Variants in COL14A1 observed in about 807,000 individuals in gnomAD.
The protein encoded by COL14A1 is collagen type XIV alpha 1 chain.
A neutral mutation model predicts 230.3 loss-of-function variants in COL14A1; 136 were observed. That is an observed-to-expected ratio of 0.59 (90% CI 0.51 to 0.68). COL14A1 has a LOEUF of 0.68. Among genes scored for constraint, COL14A1 ranks in the 30% least tolerant of loss-of-function variants. COL14A1 has a pLI of 0.00. For missense variants in COL14A1, 1,976 were observed against 2,215.8 expected, an observed-to-expected ratio of 0.89 and a Z score of 2.17; for synonymous variants, 792 against 784.1, an observed-to-expected ratio of 1.01 and a Z score of -0.17.
At chr8:120,152,056 G>A (rs1475095680) in intron 2 of COL14A1, among the ~76,000 whole-genome samples, 1 of 152,086 alleles carries the variant, frequency 6.6e-6, no homozygotes, top group Non-Finnish European at 1.5e-5. Flanking sequence ...TTTTAGCCCG[G>A]TGAGATTGAT....
chr8:120,224,488 A>G lies in COL14A1; in HGVS notation c.1738-600A>G, dbSNP rs111558242. On this transcript the variant is annotated intron_variant, in intron 14 of 47. Coordinates refer to ENST00000297848, the MANE Select transcript of COL14A1 (RefSeq NM_021110.4). ...ACTTTATGGTTTCTTTTTTCAATGT[A>G]TGTTTTTTGTTGTCAAGTTCTCTTT... Among the ~76,000 whole-genome samples the G allele has an allele frequency of 1.5e-3, 229 of 152,080 alleles. 5 individuals carry two copies. The highest frequency in any genetic ancestry group is 5.4e-3 in the African/African-American group (223 of 41,478).
chr8:120,315,515 A>G lies in COL14A1; in HGVS notation c.4552-18A>G, dbSNP rs767621957. ...TTTACCTATGTGAACTTAACTCTGT[A>G]TACTTTTGGATATTCAGGGAATGCC... On this transcript the variant is annotated intron_variant, in intron 38 of 47. Coordinates refer to ENST00000297848, the MANE Select transcript of COL14A1 (RefSeq NM_021110.4). 1.2e-5 allele frequency: 20 copies of G among 1,606,834 alleles called. No individual in the cohort carries two copies. The Admixed American group carries it at 3.3e-4, about 27-fold the overall frequency.
chr8:120,218,030 AAAT>A (rs1446371812), intron 14 of COL14A1, among the ~76,000 whole-genome samples: 1 of 142,536 alleles, frequency 7.0e-6, no homozygotes, highest in Non-Finnish European at 1.5e-5. Context: ...TTATAAATAT[AAAT>A]AAATATATAT....
chr8:120,328,416 A>C (rs1028463103), intron 40 of COL14A1, among the ~76,000 whole-genome samples: 29 of 148,572 alleles, frequency 2.0e-4, no homozygotes, highest in Admixed American at 6.7e-5. Context: ...TTTTTGGTAG[A>C]GATAGGGGTG....
intron 12 of COL14A1, among the ~76,000 whole-genome samples, chr8:120,212,069 A>G (rs1224042062): frequency 6.6e-6 from 1 of 152,234 alleles, no homozygotes; most frequent in Non-Finnish European, 1.5e-5. Flanking sequence ...AAAGATGCCC[A>G]CTTGGCCTTG....
chr8:120,236,350 A>C (rs1818444348), intron 19 of COL14A1, among the ~76,000 whole-genome samples: 1 of 151,904 alleles, frequency 6.6e-6, no homozygotes, highest in Admixed American at 6.6e-5. Context: ...TGTTGCATTG[A>C]TCCCTTTACC....
chr8:120,325,289 A>T (rs1821619635), intron 40 of COL14A1, among the ~76,000 whole-genome samples: 1 of 152,188 alleles, frequency 6.6e-6, no homozygotes, highest in Non-Finnish European at 1.5e-5. Context: ...TAATATTTTG[A>T]GGTAGGAATA....
intron 34 of COL14A1, among the ~76,000 whole-genome samples, chr8:120,290,850 CT>C (rs1402791230): frequency 6.6e-6 from 1 of 152,130 alleles, no homozygotes; most frequent in African/African-American, 2.4e-5. Flanking sequence ...AATGTGTCCC[CT>C]TATGTATAGG....
intron 32 of COL14A1, 80 bp from the exon 33 acceptor site, chr8:120,285,781 T>G: frequency 2.2e-6 from 2 of 892,866 alleles, no homozygotes; most frequent in African/African-American, 1.7e-5. Context: ...GATGCATTGT[T>G]TTGTTTTGAG....
intron 33 of COL14A1, among the ~76,000 whole-genome samples, chr8:120,287,233 T>A (rs909398912): frequency 6.6e-6 from 1 of 151,856 alleles, no homozygotes. Flanking sequence ...AAAAAACAAC[T>A]TGCTTTTTTT....
chr8:120,285,324 C>T (rs911675101), intron 32 of COL14A1, among the ~76,000 whole-genome samples: 5 of 151,718 alleles, frequency 3.3e-5, no homozygotes, highest in South Asian at 4.2e-4. Context: ...ATTAGCTGGG[C>T]GTGGTGGCGG....
chr8:120,177,694 C>CTATATATATATA (rs3030325), intron 5 of COL14A1, among the ~76,000 whole-genome samples: 74 of 129,396 alleles, frequency 5.7e-4, no homozygotes, highest in Non-Finnish European at 9.3e-4. Context: ...TATAAAAAGA[C>CTATATATATATA]TATATATATA....
intron 40 of COL14A1, among the ~76,000 whole-genome samples, chr8:120,326,780 C>T (rs1192885445): frequency 2.0e-5 from 3 of 152,158 alleles, no homozygotes; most frequent in Admixed American, 1.3e-4. Flanking sequence ...AATCCCAGCA[C>T]TTTGGGAGGC....
chr8:120,125,042 C>T (rs2130351177), upstream of COL14A1: 1 of 152,556 alleles, frequency 6.6e-6, no homozygotes, highest in African/African-American at 2.4e-5. Flanking sequence ...CCCACCTCCC[C>T]ACCTCCCGCC....
intron 40 of COL14A1, among the ~76,000 whole-genome samples, chr8:120,327,448 C>G (rs980986399): frequency 2.0e-5 from 3 of 152,198 alleles, no homozygotes; most frequent in Non-Finnish European, 4.4e-5. Flanking sequence ...CTGTCCCTAC[C>G]CTGCTTCCTT....
rs2305596 is a variant in COL14A1 at position 120,196,680 on chromosome 8, G to A, written c.437-111G>A. 13,399 of 1,057,712 alleles carry A rather than the reference G, an allele frequency of 0.013. 182 individuals are homozygous for A. Among genetic ancestry groups the A allele is most frequent in the South Asian group, 0.035 (1,849 of 53,068 alleles). The allele number at this position is 1,057,712 out of a possible 1,614,324, so 65.5% of individuals were successfully genotyped here. ...GTTGTAAAAAGATGGCTGCTCCTAC[G>A]GGAACTCTTTTGTATTCTTAGCACT... On this transcript the variant is annotated intron_variant, in intron 5 of 47. Coordinates refer to ENST00000297848, the MANE Select transcript of COL14A1 (RefSeq NM_021110.4).
Position 120,153,066 on chromosome 8 carries a change from A to T in COL14A1, c.89-5064A>T, listed in dbSNP as rs951142290. On this transcript the variant is annotated intron_variant, in intron 2 of 47. Coordinates refer to ENST00000297848, the MANE Select transcript of COL14A1 (RefSeq NM_021110.4). ...AACATATGAGGTTCTAAACCACATTAAAAAAAAATCCCTGTAGCATATCCT... is the reference window on the plus strand; with the variant it reads ...AACATATGAGGTTCTAAACCACATTTAAAAAAAATCCCTGTAGCATATCCT... Among the ~76,000 whole-genome samples, 3 of 128,016 alleles carry T rather than the reference A, an allele frequency of 2.3e-5. No homozygotes were observed. The East Asian group carries it at 8.5e-4, about 36-fold the overall frequency. 84.0% of individuals were successfully genotyped at this position (128,016 alleles called of 152,430 possible).
At chr8:120,278,623 T>C in intron 28 of COL14A1, 45 bp downstream of exon 28, 3 of 1,562,492 alleles carry the variant, frequency 1.9e-6, no homozygotes, top group Non-Finnish European at 2.6e-6. Context: ...GATGTTAGAA[T>C]TGTTATTTTC....
intron 1 of COL14A1, among the ~76,000 whole-genome samples, chr8:120,134,020 A>G (rs1586705203): frequency 6.6e-6 from 1 of 152,082 alleles, no homozygotes; most frequent in Non-Finnish European, 1.5e-5. Context: ...TAAAACATAT[A>G]TGTATATAAT....
Sources: allele counts gnomAD v4.1 joint callset (sites outside exome capture counted in the v4.1 genomes callset), GRCh38; gene constraint gnomAD v4.1.1; transcripts MANE v1.5; gene names NCBI Gene and HGNC (gene_info 2026-07-23, HGNC 2026-07-21).